Variants in FBXL20 observed in about 807,000 individuals in gnomAD.
FBXL20 encodes F-box/LRR-repeat protein 20.
In FBXL20, 11 loss-of-function variants were observed where a neutral mutation model predicts 64.0. That is an observed-to-expected ratio of 0.17 (90% CI 0.11 to 0.28). The LOEUF is 0.28. FBXL20 is among the 10% of genes least tolerant of loss of function. The probability of loss-of-function intolerance (pLI) is 1.00; values close to 1 mark genes in which losing one functional copy is unlikely to be tolerated. For missense variants in FBXL20, 303 were observed against 526.2 expected, an observed-to-expected ratio of 0.58 and a Z score of 4.15; for synonymous variants, 184 against 189.0, an observed-to-expected ratio of 0.97 and a Z score of 0.22.
chr17:39,401,787 G>A (rs2048248997), upstream of FBXL20: 1 of 963,882 alleles, frequency 1.0e-6, no homozygotes, highest in Non-Finnish European at 1.3e-6. Context: ...CCCCCACACG[G>A]GGCCGGCCCT....
intron 3 of FBXL20, among the ~76,000 whole-genome samples, chr17:39,302,157 C>T (rs539276308): frequency 2.0e-5 from 3 of 152,088 alleles, no homozygotes; most frequent in South Asian, 4.2e-4. Context: ...GGACAGTACT[C>T]TGAATATTGC....
intron 1 of FBXL20, among the ~76,000 whole-genome samples, chr17:39,386,709 A>G (rs1301320306): frequency 6.6e-6 from 1 of 152,190 alleles, no homozygotes; most frequent in Non-Finnish European, 1.5e-5. Context: ...GAAGCATAGT[A>G]AATACCTACA....
At chr17:39,269,545 C>T (rs2046823688) in intron 11 of FBXL20, among the ~76,000 whole-genome samples, 1 of 132,986 alleles carries the variant, frequency 7.5e-6, no homozygotes, top group African/African-American at 2.9e-5. Context: ...GTTGCCCAGA[C>T]TGGAGTGCAA....
chr17:39,397,336 A>G (rs764305314), intron 1 of FBXL20, among the ~76,000 whole-genome samples: 2 of 152,216 alleles, frequency 1.3e-5, no homozygotes, highest in Non-Finnish European at 2.9e-5. Context: ...AATAATGAAC[A>G]TGGATTCAAA....
chr17:39,263,331 A>G (rs1366586034), intron 14 of FBXL20, among the ~76,000 whole-genome samples: 1 of 152,208 alleles, frequency 6.6e-6, no homozygotes, highest in African/African-American at 2.4e-5. Flanking sequence ...CCTGGGCAAC[A>G]TGGTAAAATG....
At chr17:39,304,738 C>A (rs543597500) in intron 2 of FBXL20, among the ~76,000 whole-genome samples, 25 of 152,212 alleles carry the variant, frequency 1.6e-4, no homozygotes, top group South Asian at 1.5e-3. Context: ...ACTAAAGGCG[C>A]ATGCCACCAT....
At chr17:39,397,314 A>G (rs752775002) in intron 1 of FBXL20, among the ~76,000 whole-genome samples, 6 of 152,244 alleles carry the variant, frequency 3.9e-5, no homozygotes, top group Non-Finnish European at 5.9e-5. Flanking sequence ...GCAGTGACGT[A>G]TAATGAAAAA....
intron 6 of FBXL20, 103 bp from the exon 7 acceptor site, chr17:39,285,676 CTG>C: frequency 3.4e-6 from 2 of 581,604 alleles, no homozygotes; most frequent in Non-Finnish European, 5.3e-6. Context: ...TATATAAGAA[CTG>C]TAAAATTTTC....
intron 9 of FBXL20, among the ~76,000 whole-genome samples, chr17:39,280,466 G>A (rs1296059392): frequency 6.6e-6 from 1 of 151,462 alleles, no homozygotes; most frequent in African/African-American, 2.4e-5. Flanking sequence ...AGAAGGCTGA[G>A]GCAGGAGAAT....
chr17:39,286,626 C>G (rs924340534), intron 6 of FBXL20, among the ~76,000 whole-genome samples: 3 of 152,054 alleles, frequency 2.0e-5, no homozygotes, highest in African/African-American at 7.2e-5. Flanking sequence ...TTGTGAAACC[C>G]TGTCTCTACT....
Position 39,328,138 on chromosome 17 carries a change from C to T in FBXL20, c.104+15042G>A, listed in dbSNP as rs144013372. ...TGGCGGGTGCCTGTAATCCCAGTTA[C>T]TTGGGAGGCTGCGGCAGGAGAATTG... On this transcript the variant is annotated intron_variant, in intron 2 of 14. Transcript: ENST00000264658. 2.3e-3 allele frequency among the ~76,000 whole-genome samples: 346 copies of T among 148,114 alleles called. 2 individuals are homozygous for T. The highest frequency in any genetic ancestry group is 8.1e-3 in the African/African-American group (326 of 40,112).
chr17:39,360,428 A>C (rs1008643381), intron 1 of FBXL20, among the ~76,000 whole-genome samples: 1 of 152,178 alleles, frequency 6.6e-6, no homozygotes, highest in African/African-American at 2.4e-5. Flanking sequence ...TTAAAAACAA[A>C]TTTCACACTG....
chr17:39,287,597 G>A (rs111788480), intron 6 of FBXL20, among the ~76,000 whole-genome samples: 1 of 152,050 alleles, frequency 6.6e-6, no homozygotes, highest in Admixed American at 6.6e-5. Context: ...TAGAGACAGG[G>A]TCTAACTATG....
At chr17:39,306,934 C>T (rs1233855003) in intron 2 of FBXL20, among the ~76,000 whole-genome samples, 1 of 152,174 alleles carries the variant, frequency 6.6e-6, no homozygotes, top group African/African-American at 2.4e-5. Flanking sequence ...CTCAGCAAGA[C>T]ACCAGCAAGG....
intron 10 of FBXL20, among the ~76,000 whole-genome samples, chr17:39,271,593 G>C (rs1043924531): frequency 1.4e-5 from 1 of 73,336 alleles, no homozygotes; most frequent in Non-Finnish European, 2.3e-5. Context: ...GCAAGGCTCC[G>C]ACTCAAAAAA....
intron 4 of FBXL20, among the ~76,000 whole-genome samples, chr17:39,300,552 CT>C (rs1418600052): frequency 2.0e-5 from 3 of 152,140 alleles, no homozygotes; most frequent in African/African-American, 7.2e-5. Flanking sequence ...CAATAAATGG[CT>C]TTGGCCTCAT....
intron 1 of FBXL20, among the ~76,000 whole-genome samples, chr17:39,363,244 C>G (rs2047817195): frequency 6.6e-6 from 1 of 151,894 alleles, no homozygotes; most frequent in African/African-American, 2.4e-5. Context: ...GAACTCCCAA[C>G]CTCAGGTGAT....
chr17:39,348,316 C>T (rs1380568345), intron 1 of FBXL20, among the ~76,000 whole-genome samples: 2 of 152,144 alleles, frequency 1.3e-5, no homozygotes, highest in Non-Finnish European at 2.9e-5. Context: ...CAAAAATTAG[C>T]TGGGCATGGT....
intron 2 of FBXL20, among the ~76,000 whole-genome samples, chr17:39,334,152 G>T (rs571338411): frequency 2.6e-5 from 4 of 152,176 alleles, no homozygotes; most frequent in African/African-American, 4.8e-5. Flanking sequence ...TTGGGATGTT[G>T]TTAATCTATA....
Sources: gnomAD v4.1 joint callset for allele counts (sites outside exome capture counted in the v4.1 genomes callset) on GRCh38, gnomAD v4.1.1 for gene constraint, MANE v1.5 for transcripts, NCBI Gene and HGNC (gene_info 2026-07-23, HGNC 2026-07-21) for gene names.